TMEM161B: variants seen among roughly 807,000 people sequenced by gnomAD.
The protein encoded by TMEM161B is transmembrane protein 161B.
TMEM161B carries 34 observed loss-of-function variants against 61.8 expected under a neutral mutation model. The ratio of observed to expected loss-of-function variants is 0.55; its 90% CI spans 0.42 to 0.73. The LOEUF is 0.73. Among genes scored for constraint, TMEM161B ranks in the 30% least tolerant of loss-of-function variants. The probability of loss-of-function intolerance (pLI) is 0.00; values close to 1 mark genes in which losing one functional copy is unlikely to be tolerated. For missense variants in TMEM161B, 456 were observed against 558.5 expected (o/e 0.82, Z 1.85); for synonymous variants, 167 against 192.8 (o/e 0.87, Z 1.11).
chr5:88,267,799 C>G (rs1208418719), intron 1 of TMEM161B, among the ~76,000 whole-genome samples: 1 of 152,008 alleles, frequency 6.6e-6, no homozygotes, highest in Non-Finnish European at 1.5e-5. Context: ...AATTCCCATC[C>G]TTTGCTTCGT....
chr5:88,254,360 T>G (rs1754707317), intron 1 of TMEM161B, among the ~76,000 whole-genome samples: 1 of 152,144 alleles, frequency 6.6e-6, no homozygotes, highest in African/African-American at 2.4e-5. Context: ...AATTCAAAAT[T>G]CTCAGATCAT....
At chr5:88,202,118 A>T (rs1036822049) in intron 9 of TMEM161B, 2 of 453,868 alleles carry the variant, frequency 4.4e-6, no homozygotes, top group Non-Finnish European at 8.9e-6. Context: ...TATTATCTTC[A>T]TCTTCCAGAT....
chr5:88,246,137 C>T (rs138170731), intron 1 of TMEM161B, among the ~76,000 whole-genome samples: 194 of 151,712 alleles, frequency 1.3e-3, no homozygotes, highest in African/African-American at 4.4e-3. Context: ...ATGCCATTTC[C>T]CTCTTCTTAA....
At chr5:88,203,350 T>G (rs1580357995) in intron 8 of TMEM161B, among the ~76,000 whole-genome samples, 2 of 152,180 alleles carry the variant, frequency 1.3e-5, no homozygotes, top group Admixed American at 6.5e-5. Flanking sequence ...AATGTAAATA[T>G]AGGACTAAAA....
chr5:88,195,589 TA>T lies in TMEM161B; in HGVS notation c.*621del, dbSNP rs1004083631. The T allele has an allele frequency of 1.0e-6, 1 of 985,388 alleles. No individual in the cohort carries two copies. Among genetic ancestry groups the T allele is most frequent in the African/African-American group, 1.7e-5 (1 of 57,334 alleles). The allele number at this position is 985,388 out of a possible 1,614,324, so 61.0% of individuals were successfully genotyped here. On this transcript the variant is annotated 3_prime_UTR_variant, in exon 12 of 12. Coordinates refer to ENST00000296595, the MANE Select transcript of TMEM161B (RefSeq NM_153354.5). ...CTCTCAAGTTGGGTGGAATATGTTTTAAAACAATACTCTTGCTATTCTCAAG... is the reference window on the plus strand; with the variant it reads ...CTCTCAAGTTGGGTGGAATATGTTTTAAACAATACTCTTGCTATTCTCAAG...
intron 5 of TMEM161B, among the ~76,000 whole-genome samples, chr5:88,213,161 C>T (rs140507500): frequency 7.3e-4 from 111 of 152,232 alleles, no homozygotes; most frequent in African/African-American, 2.6e-3. Flanking sequence ...ATATATTATA[C>T]TTCACATTCT....
chr5:88,211,333 A>G (rs928541367), intron 5 of TMEM161B, among the ~76,000 whole-genome samples: 3 of 152,108 alleles, frequency 2.0e-5, no homozygotes, highest in Non-Finnish European at 4.4e-5. Flanking sequence ...CTAGACAAAG[A>G]TGAATGCATC....
At chr5:88,247,333 A>G (rs748198970) in intron 1 of TMEM161B, among the ~76,000 whole-genome samples, 23 of 152,186 alleles carry the variant, frequency 1.5e-4, no homozygotes, top group South Asian at 4.1e-4. Flanking sequence ...AACTTTGAGT[A>G]CTGTGTCAAC....
chr5:88,263,220 A>T (rs1755910489), intron 1 of TMEM161B, among the ~76,000 whole-genome samples: 2 of 152,116 alleles, frequency 1.3e-5, no homozygotes, highest in South Asian at 4.1e-4. Flanking sequence ...CTTTCCCTAC[A>T]TGCCCTATCT....
intron 7 of TMEM161B, 77 bp from the exon 8 acceptor site, chr5:88,206,031 TA>T (rs1745401168): frequency 1.7e-6 from 2 of 1,149,346 alleles, no homozygotes; most frequent in Non-Finnish European, 1.2e-6. Context: ...TCTAATCAAT[TA>T]TCTTACAAAT....
downstream of TMEM161B, among the ~76,000 whole-genome samples, chr5:88,193,334 C>T (rs1218249496): frequency 1.3e-5 from 2 of 152,032 alleles, no homozygotes; most frequent in Non-Finnish European, 2.9e-5. Flanking sequence ...TTTATATATG[C>T]TTTGAAGCAT....
chr5:88,225,230 G>A (rs775004284), intron 4 of TMEM161B, among the ~76,000 whole-genome samples: 3 of 152,140 alleles, frequency 2.0e-5, no homozygotes, highest in Admixed American at 2.0e-4. Flanking sequence ...GCCTCCCAAA[G>A]TGCTGGGATT....
At chr5:88,198,909 C>A (rs1580328380) in intron 10 of TMEM161B, 67 bp downstream of exon 10, 7 of 1,275,342 alleles carry the variant, frequency 5.5e-6, no homozygotes, top group Non-Finnish European at 6.5e-6. Context: ...TAAAGGAAAC[C>A]AATTTTTTTT....
intron 7 of TMEM161B, 49 bp from the exon 8 acceptor site, chr5:88,206,003 T>C: frequency 7.3e-7 from 1 of 1,363,720 alleles, no homozygotes; most frequent in South Asian, 1.3e-5. Flanking sequence ...TAATTAGCTT[T>C]TGAAGAATTT....
At chr5:88,259,774 C>T (rs1755463293) in intron 1 of TMEM161B, among the ~76,000 whole-genome samples, 1 of 152,164 alleles carries the variant, frequency 6.6e-6, no homozygotes, top group Non-Finnish European at 1.5e-5. Flanking sequence ...TAGGTGTTAA[C>T]TAGGTTCGGG....
chr5:88,197,878 G>A (rs1749958708), intron 10 of TMEM161B, 113 bp from the exon 11 acceptor site: 1 of 862,464 alleles, frequency 1.2e-6, no homozygotes, highest in Non-Finnish European at 1.7e-6. Flanking sequence ...TTCACAAGAA[G>A]GAAGCTAAAT....
chr5:88,230,956 C>A (rs2112594601), intron 2 of TMEM161B, among the ~76,000 whole-genome samples: 1 of 152,094 alleles, frequency 6.6e-6, no homozygotes, highest in East Asian at 1.9e-4. Context: ...ATGGGAGGGG[C>A]CTGGAAATTA....
chr5:88,196,598 T>TTTA, intron 11 of TMEM161B, 110 bp from the exon 12 acceptor site: 2 of 1,069,640 alleles, frequency 1.9e-6, no homozygotes, highest in East Asian at 5.4e-5. Context: ...AGTGGCACAG[T>TTTA]ACATCATTTT....
At chr5:88,227,121 T>C (rs542967932) in intron 3 of TMEM161B, among the ~76,000 whole-genome samples, 12 of 152,058 alleles carry the variant, frequency 7.9e-5, no homozygotes, top group Non-Finnish European at 1.6e-4. Flanking sequence ...CCTAAGGAGG[T>C]TGAAGCCACA....
Sources: allele counts gnomAD v4.1 joint callset (sites outside exome capture counted in the v4.1 genomes callset), GRCh38; gene constraint gnomAD v4.1.1; transcripts MANE v1.5; gene names NCBI Gene and HGNC (gene_info 2026-07-23, HGNC 2026-07-21).